GPC6: variants seen among roughly 807,000 people sequenced by gnomAD.
The protein encoded by GPC6 is glypican 6, also known as glypican-6.
Under a neutral mutation model 55.2 loss-of-function variants are expected in GPC6, and 14 were observed. That is an observed-to-expected ratio of 0.25 (90% CI 0.17 to 0.40). GPC6 has a LOEUF of 0.40. Among genes scored for constraint, GPC6 ranks in the 10% least tolerant of loss-of-function variants. GPC6 has a pLI of 1.00. For synonymous variants in GPC6, 278 were observed against 259.6 expected, an observed-to-expected ratio of 1.07 and a Z score of -0.68; for missense variants, 641 against 708.5, an observed-to-expected ratio of 0.90 and a Z score of 1.08.
chr13:93,839,045 G>A (rs1192349858), intron 3 of GPC6, among the ~76,000 whole-genome samples: 1 of 152,132 alleles, frequency 6.6e-6, no homozygotes, highest in African/African-American at 2.4e-5. Context: ...TGAAAGTAAA[G>A]AGAGAGAGAA....
intron 2 of GPC6, among the ~76,000 whole-genome samples, chr13:93,755,745 A>G (rs1007989138): frequency 1.6e-4 from 24 of 152,228 alleles, no homozygotes; most frequent in Non-Finnish European, 7.3e-5. Context: ...GAGCCATCGT[A>G]GTGAATAGCA....
At chr13:94,110,827 G>C (rs1351644693) in intron 4 of GPC6, among the ~76,000 whole-genome samples, 1 of 151,956 alleles carries the variant, frequency 6.6e-6, no homozygotes, top group Admixed American at 6.6e-5. Context: ...TATATTATTC[G>C]ACAGTACATT....
At chr13:93,662,617 C>T (rs1056942260) in intron 2 of GPC6, among the ~76,000 whole-genome samples, 9 of 151,594 alleles carry the variant, frequency 5.9e-5, no homozygotes, top group South Asian at 4.2e-4. Context: ...GGTACAAGAG[C>T]GAGACGTCTT....
chr13:93,497,650 T>G (rs1422112133), intron 1 of GPC6, among the ~76,000 whole-genome samples: 3 of 152,224 alleles, frequency 2.0e-5, no homozygotes, highest in Non-Finnish European at 4.4e-5. Flanking sequence ...AGTTTGAAGC[T>G]GAAGGACAAT....
At chr13:93,432,929 GAGA>G (rs1380381188) in intron 1 of GPC6, among the ~76,000 whole-genome samples, 1 of 141,754 alleles carries the variant, frequency 7.1e-6, no homozygotes, top group South Asian at 2.4e-4. Flanking sequence ...GATAGAATAG[GAGA>G]AGGAGAAGGC....
intron 1 of GPC6, among the ~76,000 whole-genome samples, chr13:93,262,192 CTTTT>C (rs1877174657): frequency 6.6e-6 from 1 of 152,028 alleles, no homozygotes; most frequent in Non-Finnish European, 1.5e-5. Context: ...CCAAAAGTAA[CTTTT>C]ACCTTTCTCA....
chr13:93,467,726 C>T (rs1011450210), intron 1 of GPC6, among the ~76,000 whole-genome samples: 20 of 151,702 alleles, frequency 1.3e-4, no homozygotes, highest in Non-Finnish European at 2.4e-4. Context: ...TTGGGACCAC[C>T]GGCATGCACC....
intron 1 of GPC6, among the ~76,000 whole-genome samples, chr13:93,413,898 A>G (rs1876601336): frequency 6.6e-6 from 1 of 152,220 alleles, no homozygotes; most frequent in Non-Finnish European, 1.5e-5. Context: ...CAAAATACCT[A>G]TAGTAAAAAT....
chr13:94,136,825 C>A (rs1376634597), intron 4 of GPC6, among the ~76,000 whole-genome samples: 1 of 152,080 alleles, frequency 6.6e-6, no homozygotes, highest in Non-Finnish European at 1.5e-5. Flanking sequence ...ATTATCAGGA[C>A]AACAGTTTGG....
chr13:94,032,070 T>C (rs1177392385), intron 4 of GPC6, among the ~76,000 whole-genome samples: 1 of 152,202 alleles, frequency 6.6e-6, no homozygotes, highest in Admixed American at 6.5e-5. Context: ...TATTATTTCA[T>C]ACTACTTTTT....
At chr13:93,816,552 G>C (rs1467024396) in intron 2 of GPC6, among the ~76,000 whole-genome samples, 1 of 149,476 alleles carries the variant, frequency 6.7e-6, no homozygotes, top group Non-Finnish European at 1.5e-5. Flanking sequence ...TTGATTCTTG[G>C]ATTCTCCATG....
At chr13:93,573,562 C>T (rs968336830) in intron 2 of GPC6, among the ~76,000 whole-genome samples, 18 of 151,668 alleles carry the variant, frequency 1.2e-4, no homozygotes, top group Admixed American at 2.0e-4. Flanking sequence ...CAAACAGTAA[C>T]AACAAAAACA....
intron 4 of GPC6, among the ~76,000 whole-genome samples, chr13:94,061,571 C>T (rs9561493): frequency 6.6e-6 from 1 of 152,130 alleles, no homozygotes; most frequent in East Asian, 1.9e-4. Flanking sequence ...CTGTCCAACA[C>T]ACACAGGCAT....
In GPC6 at chr13:93,812,386, G is replaced by A. The variant is rs1363190075; in HGVS notation, c.320-17768G>A. ...GGGTGACAGAGCAAGACTCTGTCTC[G>A]GAAAAAAAAAAAAGAAGGAGATCTG... On this transcript the variant is annotated intron_variant, in intron 2 of 8. Transcript: ENST00000377047. Among the ~76,000 whole-genome samples, 16 of 148,426 alleles carry A rather than the reference G, an allele frequency of 1.1e-4. No homozygotes were observed. In the East Asian group the frequency reaches 2.1e-3, roughly 20 times the overall value.
chr13:93,741,521 C>T (rs186431166), intron 2 of GPC6, among the ~76,000 whole-genome samples: 1 of 152,222 alleles, frequency 6.6e-6, no homozygotes, highest in East Asian at 1.9e-4. Context: ...GCTCATCTCA[C>T]ATATTTTCTT....
intron 6 of GPC6, among the ~76,000 whole-genome samples, chr13:94,341,087 A>G (rs1225556973): frequency 6.6e-6 from 1 of 152,234 alleles, no homozygotes; most frequent in Non-Finnish European, 1.5e-5. Context: ...TTATTGAACG[A>G]CAAGATAAAA....
chr13:93,588,330 A>C (rs1877302073), intron 2 of GPC6, among the ~76,000 whole-genome samples: 1 of 152,158 alleles, frequency 6.6e-6, no homozygotes, highest in South Asian at 2.1e-4. Context: ...AACAAAATAA[A>C]AATGTAAGGC....
In GPC6 at chr13:93,383,526, A is replaced by G. The variant is rs1199448409; in HGVS notation, c.160+155910A>G. Among the ~76,000 whole-genome samples, 5 of 152,262 alleles carry G rather than the reference A, an allele frequency of 3.3e-5. No individual in the cohort carries two copies. In the South Asian group the frequency reaches 8.3e-4, roughly 25 times the overall value. ...CCCATTGTGCCCAGCTGAAATCTCT[A>G]TTGATGTACTGAAAAAGCTTGGCTC... On this transcript the variant is annotated intron_variant, in intron 1 of 8. Transcript: ENST00000377047.
chr13:93,609,017 C>G (rs142036442), intron 2 of GPC6, among the ~76,000 whole-genome samples: 1 of 152,290 alleles, frequency 6.6e-6, no homozygotes, highest in African/African-American at 2.4e-5. Context: ...TAAATAGATA[C>G]TGGTGCAAGC....
Sources: gnomAD v4.1 joint callset for allele counts (sites outside exome capture counted in the v4.1 genomes callset) on GRCh38, gnomAD v4.1.1 for gene constraint, MANE v1.5 for transcripts, NCBI Gene and HGNC (gene_info 2026-07-23, HGNC 2026-07-21) for gene names.